Variants in ANKRD36 observed in about 807,000 individuals in gnomAD.
ANKRD36 encodes ankyrin repeat domain-containing protein 36A.
Under a neutral mutation model 278.1 loss-of-function variants are expected in ANKRD36, and 179 were observed. The observed-to-expected ratio is 0.64, with a 90% CI of 0.57 to 0.73. ANKRD36 has a LOEUF of 0.73. Ranked by LOEUF, ANKRD36 falls within the 30% of genes least tolerant of loss-of-function variation. The pLI is 0.00. For synonymous variants in ANKRD36, 320 were observed against 641.1 expected, an observed-to-expected ratio of 0.50 and a Z score of 7.57; for missense variants, 1,159 against 1,956.7, an observed-to-expected ratio of 0.59 and a Z score of 7.69.
chr2:97,115,881 T>C (rs1399423770), intron 1 of ANKRD36, among the ~76,000 whole-genome samples: 7 of 150,606 alleles, frequency 4.6e-5, no homozygotes, highest in African/African-American at 1.5e-4. Context: ...GGAAAACCCC[T>C]TATAATGGAT....
intron 42 of ANKRD36, among the ~76,000 whole-genome samples, chr2:97,197,443 C>T (rs886341948): frequency 6.6e-6 from 1 of 151,950 alleles, no homozygotes; most frequent in East Asian, 1.9e-4. Context: ...TCATTACTCT[C>T]CTTTGTTACT....
chr2:97,211,169 C>A (rs1179105330), intron 56 of ANKRD36, among the ~76,000 whole-genome samples: 3 of 151,870 alleles, frequency 2.0e-5, no homozygotes, highest in Admixed American at 6.6e-5. Flanking sequence ...TGATTTGTTG[C>A]ATGAAAGACA....
At chr2:97,188,191 A>G (rs887462120) in intron 32 of ANKRD36, among the ~76,000 whole-genome samples, 50 of 151,748 alleles carry the variant, frequency 3.3e-4, no homozygotes, top group African/African-American at 1.0e-3. Context: ...TAAAATAGCT[A>G]TTTCATGAAA....
chr2:97,146,337 G>C (rs1274282836), intron 10 of ANKRD36, 149 bp from the exon 11 acceptor site: 2 of 539,192 alleles, frequency 3.7e-6, no homozygotes, highest in African/African-American at 3.9e-5. Flanking sequence ...AAGCTGGTCT[G>C]AAATGCCTGG....
intron 11 of ANKRD36, among the ~76,000 whole-genome samples, chr2:97,149,017 GCCTGT>G (rs2045159318): frequency 1.3e-5 from 2 of 151,954 alleles, no homozygotes; most frequent in Non-Finnish European, 2.9e-5. Context: ...CCATTATAAT[GCCTGT>G]CACTATTTGT....
intron 67 of ANKRD36, among the ~76,000 whole-genome samples, chr2:97,229,954 T>G (rs2071344300): frequency 6.6e-6 from 1 of 152,122 alleles, no homozygotes; most frequent in Admixed American, 6.5e-5. Flanking sequence ...TTAAGAATGT[T>G]GAATATTGGC....
rs1159234959 is a variant in ANKRD36 at position 97,218,014 on chromosome 2, T to C, written c.3775+642T>C. Among the ~76,000 whole-genome samples the C allele has an allele frequency of 2.6e-5, 4 of 152,216 alleles. No homozygotes were observed. In the South Asian group the frequency reaches 6.3e-4, roughly 24 times the overall value. On this transcript the variant is annotated intron_variant, in intron 64 of 75. Transcript: ENST00000420699. ...CTGGAATCAGGAAGGAGTGCTAGAA[T>C]TGGGATAAACCACAGTGCCTCATTA...
chr2:97,226,342 T>C (rs1489087262), intron 67 of ANKRD36, among the ~76,000 whole-genome samples: 1 of 151,988 alleles, frequency 6.6e-6, no homozygotes, highest in Non-Finnish European at 1.5e-5. Context: ...TGGTATCTCA[T>C]TGTGGTTTTG....
At chr2:97,230,731 C>T (rs1192396686) in intron 67 of ANKRD36, among the ~76,000 whole-genome samples, 6 of 152,048 alleles carry the variant, frequency 3.9e-5, no homozygotes, top group African/African-American at 1.4e-4. Flanking sequence ...TTTAGAGTTT[C>T]CAGTTTTTCT....
rs755901298 is a variant in ANKRD36 at position 97,179,867 on chromosome 2, A to G, written c.1669A>G (p.Ser557Gly). The G allele has an allele frequency of 6.2e-7, 1 of 1,604,972 alleles. No homozygotes were observed. Among genetic ancestry groups the G allele is most frequent in the South Asian group, 1.1e-5 (1 of 90,856 alleles). ...TGCTTCAAATCCCATTCAGGCTACA[A>G]GTGACGACAAAGATTCTGTTTCAAA... ...SQKQPAEKAT[S>G]DDKDSVSNIA... Residue 557 changes from serine to glycine, a missense_variant, in exon 24 of 76, where the codon AGT becomes GGT. Ser to Gly is a moderately conservative substitution (Grantham distance 56). Coordinates refer to ENST00000420699, the MANE Select transcript of ANKRD36 (RefSeq NM_001354587.1).
chr2:97,241,490 GT>G lies in ANKRD36; in HGVS notation c.4307+15del. On this transcript the variant is annotated intron_variant, in intron 69 of 75. Transcript: ENST00000420699. The stretch of plus-strand genomic sequence containing the variant: ...ACTCTGTAGTTTGAGGTATGACCTA[GT>G]TTTAAATAAATGTTTGAACTGTTTG... The G allele has an allele frequency of 1.6e-6, 1 of 619,448 alleles. No homozygotes were observed. The highest frequency in any genetic ancestry group is 2.6e-6 in the Non-Finnish European group (1 of 388,094). 38.4% of individuals were successfully genotyped at this position (619,448 alleles called of 1,614,324 possible).
Position 97,194,833 on chromosome 2 carries a change from A to G in ANKRD36, c.2479-12A>G, listed in dbSNP as rs2059330724. 1 of 1,596,020 alleles carries G rather than the reference A, an allele frequency of 6.3e-7. No homozygotes were observed. Among genetic ancestry groups the G allele is most frequent in the Admixed American group, 1.7e-5 (1 of 57,632 alleles). On this transcript the variant is annotated splice_polypyrimidine_tract_variant and intron_variant, in intron 39 of 75. Coordinates refer to ENST00000420699, the MANE Select transcript of ANKRD36 (RefSeq NM_001354587.1). ...ATACCTTATTTATTATTTTGTTTCAAATTCCACTCAGGCTACAAGTGATGA... is the reference window on the plus strand; with the variant it reads ...ATACCTTATTTATTATTTTGTTTCAGATTCCACTCAGGCTACAAGTGATGA...
chr2:97,220,761 C>CTTTTTTTTTTTTTTTTATTTTTTTT (rs60699692), intron 66 of ANKRD36, among the ~76,000 whole-genome samples: 1 of 70,606 alleles, frequency 1.4e-5, no homozygotes, highest in South Asian at 6.3e-4. Flanking sequence ...TTTTAATTTT[C>CTTTTTTTTTTTTTTTTATTTTTTTT]TTTTTTTTTT....
chr2:97,263,164 G>T (rs1186063519), intron 75 of ANKRD36, among the ~76,000 whole-genome samples: 14 of 132,418 alleles, frequency 1.1e-4, no homozygotes, highest in African/African-American at 3.9e-4. Flanking sequence ...TTAGACCTTG[G>T]TTAAGTGGTT....
intron 67 of ANKRD36, among the ~76,000 whole-genome samples, chr2:97,231,483 C>T (rs1259633050): frequency 1.1e-4 from 16 of 152,146 alleles, no homozygotes; most frequent in Non-Finnish European, 1.6e-4. Flanking sequence ...TTAAGCCCGT[C>T]GGAAAAGTGC....
intron 22 of ANKRD36, among the ~76,000 whole-genome samples, chr2:97,172,443 T>C (rs1264819733): frequency 2.0e-5 from 3 of 151,916 alleles, no homozygotes; most frequent in African/African-American, 4.8e-5. Context: ...ATGGATATGC[T>C]TATGTGGTTG....
intron 62 of ANKRD36, among the ~76,000 whole-genome samples, chr2:97,216,317 C>A (rs1385136380): frequency 6.6e-6 from 1 of 151,858 alleles, no homozygotes; most frequent in Non-Finnish European, 1.5e-5. Flanking sequence ...GCATGATACT[C>A]CCAACAAGAC....
In ANKRD36 at chr2:97,154,750, C is replaced by G. The variant is rs2047037289; in HGVS notation, c.1260+9C>G. ...TTGCTTTGGAATCTGAGGTAGAGTA[C>G]TCTCTTGTGAAATTAATTTTCTCAT... On this transcript the variant is annotated intron_variant, in intron 15 of 75. Coordinates refer to ENST00000420699, the MANE Select transcript of ANKRD36 (RefSeq NM_001354587.1). 6.8e-7 allele frequency: 1 copy of G among 1,474,662 alleles called. No individual in the cohort carries two copies. Among genetic ancestry groups the G allele is most frequent in the East Asian group, 2.5e-5 (1 of 40,168 alleles). The allele number at this position is 1,474,662 out of a possible 1,614,324, so 91.3% of individuals were successfully genotyped here. A position where few individuals can be genotyped will look rare whatever the true frequency, so the allele number is the denominator to read the frequency against.
chr2:97,235,118 G>A (rs1418088728), intron 68 of ANKRD36, among the ~76,000 whole-genome samples: 1 of 151,246 alleles, frequency 6.6e-6, no homozygotes, highest in African/African-American at 2.5e-5. Flanking sequence ...TCCTGTGTTT[G>A]TTCTAGAAAT....
Sources: allele counts gnomAD v4.1 joint callset (sites outside exome capture counted in the v4.1 genomes callset), GRCh38; gene constraint gnomAD v4.1.1; transcripts MANE v1.5; gene names NCBI Gene and HGNC (gene_info 2026-07-23, HGNC 2026-07-21).